Variants in BAHCC1 observed in about 807,000 individuals in gnomAD.
BAHCC1 encodes BAH domain and coiled-coil containing 1.
In BAHCC1, 43 loss-of-function variants were observed where a neutral mutation model predicts 88.2. The ratio of observed to expected loss-of-function variants is 0.49; its 90% CI spans 0.38 to 0.63. BAHCC1 has a LOEUF of 0.63. Ranked by LOEUF, BAHCC1 falls within the 20% of genes least tolerant of loss-of-function variation. BAHCC1 has a pLI of 0.00. For missense variants in BAHCC1, 3,023 were observed against 1,654.8 expected (o/e 1.83, Z -14.34); for synonymous variants, 1,510 against 745.5 (o/e 2.03, Z -16.71).
rs1555647895 is a variant in BAHCC1 at position 81,411,689 on chromosome 17, C to T, written c.178+11772C>T. The T allele has an allele frequency of 6.0e-6, 2 of 331,610 alleles. No individual in the cohort carries two copies. The highest frequency in any genetic ancestry group is 4.4e-5 in the Admixed American group (1 of 22,964). The allele number at this position is 331,610 out of a possible 1,614,324, so 20.5% of individuals were successfully genotyped here. Reference sequence around the variant, plus strand: ...GACCTGAGGCCCTCCAGGCAGCTCCCCTTCCACTCTGCCCAGCCCACCCTG... The same window carrying T: ...GACCTGAGGCCCTCCAGGCAGCTCCTCTTCCACTCTGCCCAGCCCACCCTG... On this transcript the variant is annotated intron_variant, in intron 2 of 27. Transcript: ENST00000675386. The surrounding 1 kb of genome is among the most constrained non-coding windows in gnomAD (Gnocchi z 6.2).
chr17:81,444,044 T>G (rs1417564916), intron 6 of BAHCC1, 127 bp downstream of exon 6: 1 of 639,126 alleles, frequency 1.6e-6, no homozygotes, highest in Non-Finnish European at 2.8e-6. Context: ...CGGCCGTGGG[T>G]GGGGTTCTCC....
In BAHCC1 at chr17:81,457,567, G is replaced by A. The variant is rs1555657642; in HGVS notation, c.5016G>A (p.Lys1672=). 2.7e-6 allele frequency: 2 copies of A among 747,122 alleles called. No homozygotes were observed. Among genetic ancestry groups the A allele is most frequent in the Middle Eastern group, 2.4e-4 (1 of 4,236 alleles). The allele number at this position is 747,122 out of a possible 1,614,324, so 46.3% of individuals were successfully genotyped here. ...TGGAGGCCAACCAGAAGGCCAAGAAGAAGAAGGAGAGGCAGGGGTTGCTAG... is the reference window on the plus strand; with the variant it reads ...TGGAGGCCAACCAGAAGGCCAAGAAAAAGAAGGAGAGGCAGGGGTTGCTAG... ...VKMEANQKAK[K]KKERQGLLGA... Residue 1672 remains lysine, a synonymous_variant, in exon 17 of 28, where the codon AAG becomes AAA. Coordinates refer to ENST00000675386, the MANE Select transcript of BAHCC1 (RefSeq NM_001377448.1).
chr17:81,426,886 C>T lies in BAHCC1; in HGVS notation c.265C>T (p.His89Tyr), dbSNP rs944028089. Residue 89 changes from histidine to tyrosine, a missense_variant, in exon 3 of 28, where the codon CAC (histidine) becomes TAC (tyrosine). His to Tyr is a moderately conservative substitution (Grantham distance 83). Transcript: ENST00000675386. ...CAGCCTGGGCTCGGCAGCCTCCACG[C>T]ACCCCAGCGGCCCCAGCTCCTCCCC... ...TSSLGSAASTHPSGPSSSPPE... is the reference protein window; with the variant it reads ...TSSLGSAASTYPSGPSSSPPE... 11 of 399,068 alleles carry T rather than the reference C, an allele frequency of 2.8e-5. No individual in the cohort carries two copies. The highest frequency in any genetic ancestry group is 4.4e-5 in the Admixed American group (1 of 22,724). 24.7% of individuals were successfully genotyped at this position (399,068 alleles called of 1,614,324 possible).
rs116138822 is a variant in BAHCC1, at chr17:81,441,898, C to T, written c.549C>T (p.Ser183=). 4,200 of 683,496 alleles carry T rather than the reference C, an allele frequency of 6.1e-3. 153 individuals are homozygous for T. The African/African-American group carries it at 0.068, about 11-fold the overall frequency. 42.3% of individuals were successfully genotyped at this position (683,496 alleles called of 1,614,324 possible). Residue 183 remains serine, a synonymous_variant, in exon 5 of 28, where the codon AGC becomes AGT. Transcript: ENST00000675386. ...TGCCGGCCAACCACAACTTCCCCAG[C>T]GTGGCCCGGGCCGCCCCTGCCCACC... is the stretch of plus-strand genomic sequence containing the variant. The part of the protein sequence containing the change: ...TLLPANHNFP[S]VARAAPAHPM...
intron 3 of BAHCC1, among the ~76,000 whole-genome samples, chr17:81,438,139 C>A (rs1248972554): frequency 1.3e-5 from 2 of 152,252 alleles, no homozygotes; most frequent in Non-Finnish European, 2.9e-5. Context: ...GTCCTCCCCT[C>A]TCCCCAGCCC....
intron 3 of BAHCC1, among the ~76,000 whole-genome samples, chr17:81,437,887 G>A (rs527887019): frequency 1.2e-3 from 186 of 152,290 alleles, no homozygotes; most frequent in Middle Eastern, 6.8e-3. Flanking sequence ...AGCCAGGGTC[G>A]GGGGAGGCTG....
At chr17:81,431,555 G>T (rs1207341981) in intron 3 of BAHCC1, among the ~76,000 whole-genome samples, 1 of 152,168 alleles carries the variant, frequency 6.6e-6, no homozygotes, top group Non-Finnish European at 1.5e-5. Flanking sequence ...TTGGGGAGAG[G>T]GCCACCCCTG....
chr17:81,447,598 G>A lies in BAHCC1; in HGVS notation c.3726G>A (p.Glu1242=). The A allele has an allele frequency of 1.3e-6, 1 of 750,008 alleles. No individual in the cohort carries two copies. The highest frequency in any genetic ancestry group is 2.5e-6 in the Non-Finnish European group (1 of 403,686). The allele number at this position is 750,008 out of a possible 1,614,324, so 46.5% of individuals were successfully genotyped here. Residue 1242 remains glutamate, a synonymous_variant, in exon 11 of 28, where the codon GAG becomes GAA. Coordinates refer to ENST00000675386, the MANE Select transcript of BAHCC1 (RefSeq NM_001377448.1). ...AGCAGAGCATGGAGGACTCAGAGGA[G>A]GACTGTGGCGGAGCTCCCGACAACA... ...LGQQSMEDSE[E]DCGGAPDNSH... is the part of the protein sequence containing the mutation.
chr17:81,441,003 G>A (rs2064404937), intron 4 of BAHCC1, among the ~76,000 whole-genome samples: 1 of 152,166 alleles, frequency 6.6e-6, no homozygotes, highest in African/African-American at 2.4e-5. Flanking sequence ...GGTTTCCAAG[G>A]TCTTGGTGCC....
In BAHCC1 at chr17:81,434,831, G is replaced by A. The variant is rs1027356189; in HGVS notation, c.359-3539G>A. 5.3e-5 allele frequency among the ~76,000 whole-genome samples: 8 copies of A among 152,062 alleles called. No individual in the cohort carries two copies. Among genetic ancestry groups the A allele is most frequent in the African/African-American group, 9.7e-5 (4 of 41,386 alleles). ...TGGAGAGGGCAGGGCCTCGACGTGC[G>A]GGGCTGTTGGGAAAATGTGCTGTGT... On this transcript the variant is annotated intron_variant, in intron 3 of 27. Coordinates refer to ENST00000675386, the MANE Select transcript of BAHCC1 (RefSeq NM_001377448.1). This position sits in a 1 kb window ranked among gnomAD's most constrained non-coding sequence, Gnocchi z 4.9.
Position 81,458,956 on chromosome 17 carries a change from G to T in BAHCC1, c.5592G>T (p.Gln1864His). ...EEDSGPLSAE[Q>H]SAALARSCAI... ...ACAGCGGCCCTCTGAGCGCAGAGCA[G>T]AGCGCCGCCCTAGGTGAGCAGGGCC... Residue 1864 changes from glutamine (Q) to histidine (H), a missense_variant, in exon 20 of 28, where the codon CAG becomes CAT. Transcript: ENST00000675386. 2.7e-6 allele frequency: 2 copies of T among 743,556 alleles called. No homozygotes were observed. Among genetic ancestry groups the T allele is most frequent in the South Asian group, 1.4e-5 (1 of 70,464 alleles). The allele number at this position is 743,556 out of a possible 1,614,324, so 46.1% of individuals were successfully genotyped here. A position where few individuals can be genotyped will look rare whatever the true frequency, so the allele number is the denominator to read the frequency against.
rs1286004670 is a variant in BAHCC1, at chr17:81,399,370, C to G, written c.-206-164C>G. 2.2e-5 allele frequency: 3 copies of G among 134,894 alleles called. No homozygotes were observed. Among genetic ancestry groups the G allele is most frequent in the Non-Finnish European group, 4.7e-5 (3 of 64,462 alleles). The allele number at this position is 134,894 out of a possible 1,614,324, so 8.4% of individuals were successfully genotyped here. ...GGTGCTGGGCTGCGCGCGCGTGCGGCGGGGAGACACCGAGCGCCCCGGCCC... is the reference window on the plus strand; with the variant it reads ...GGTGCTGGGCTGCGCGCGCGTGCGGGGGGGAGACACCGAGCGCCCCGGCCC... On this transcript the variant is annotated intron_variant, in intron 1 of 27. Coordinates refer to ENST00000675386, the MANE Select transcript of BAHCC1 (RefSeq NM_001377448.1). The surrounding 1 kb of genome is among the most constrained non-coding windows in gnomAD (Gnocchi z 4.5).
Position 81,443,428 on chromosome 17 carries a change from C to T in BAHCC1, c.2079C>T (p.His693=), listed in dbSNP as rs782158865. 5.4e-5 allele frequency: 41 copies of T among 759,998 alleles called. No individual in the cohort carries two copies. The highest frequency in any genetic ancestry group is 1.2e-4 in the African/African-American group (7 of 58,662). The allele number at this position is 759,998 out of a possible 1,614,324, so 47.1% of individuals were successfully genotyped here. A position where few individuals can be genotyped will look rare whatever the true frequency, so the allele number is the denominator to read the frequency against. The change falls in exon 5 of 28, where the codon CAC becomes CAT. Residue 693 remains histidine, a synonymous_variant. Transcript: ENST00000675386. ...CARSREHDTT[H]GDGEVRQPPV... ...GCAGCAGGGAGCACGACACCACGCA[C>T]GGCGACGGGGAGGTGCGGCAGCCCC...
intron 1 of BAHCC1, among the ~76,000 whole-genome samples, chr17:81,397,955 T>C (rs1223498705): frequency 6.6e-6 from 1 of 152,230 alleles, no homozygotes; most frequent in Non-Finnish European, 1.5e-5. Flanking sequence ...CGGTTATAGA[T>C]TAAATCAAAC....
intron 2 of BAHCC1, among the ~76,000 whole-genome samples, chr17:81,420,598 C>A (rs2064104820): frequency 6.6e-6 from 1 of 152,260 alleles, no homozygotes; most frequent in Non-Finnish European, 1.5e-5. Flanking sequence ...AAACCATTTC[C>A]TCAGCTAGCC....
In BAHCC1 at chr17:81,458,807, C is replaced by A. The variant is rs1389441458; in HGVS notation, c.5449-6C>A. ...CCCACCCAAGCCTGACTCCTCTGGC[C>A]CCCAGGGCAAGGGCCGGGCCGTGAG... On this transcript the variant is annotated splice_region_variant and splice_polypyrimidine_tract_variant and intron_variant, in intron 19 of 27. Coordinates refer to ENST00000675386, the MANE Select transcript of BAHCC1 (RefSeq NM_001377448.1). 1.3e-6 allele frequency: 1 copy of A among 763,036 alleles called. No homozygotes were observed. The highest frequency in any genetic ancestry group is 1.7e-5 in the African/African-American group (1 of 58,870). 47.3% of individuals were successfully genotyped at this position (763,036 alleles called of 1,614,324 possible).
At position 81,462,732 on chromosome 17, in the gene BAHCC1, C is replaced by A; in HGVS notation, c.7384-8C>A. The A allele has an allele frequency of 2.7e-6, 2 of 744,922 alleles. No homozygotes were observed. The highest frequency in any genetic ancestry group is 5.0e-6 in the Non-Finnish European group (2 of 397,912). The allele number at this position is 744,922 out of a possible 1,614,324, so 46.1% of individuals were successfully genotyped here. On this transcript the variant is annotated splice_region_variant and splice_polypyrimidine_tract_variant and intron_variant, in intron 26 of 27. Transcript: ENST00000675386. ...CTCTCAGAGCCACCCTGCCCATGTC[C>A]CCCACAGCGGCGTGGCATGAAGGGG...
In BAHCC1 at chr17:81,444,734, T is replaced by C. The variant is rs782472404; in HGVS notation, c.2579T>C (p.Val860Ala). Reference protein sequence around the residue: ...PGFPASVAGPVPSVFPLPQDA... With the variant: ...PGFPASVAGPAPSVFPLPQDA... The stretch of plus-strand genomic sequence containing the variant: ...TTCCCCGCCTCCGTGGCTGGCCCTG[T>C]GCCCTCTGTCTTCCCCCTCCCACAG... The change falls in exon 8 of 28, where the codon GTG (valine) becomes GCG (alanine). Residue 860 changes from valine to alanine, a missense_variant. Coordinates refer to ENST00000675386, the MANE Select transcript of BAHCC1 (RefSeq NM_001377448.1). 5.1e-6 allele frequency: 4 copies of C among 778,416 alleles called. No homozygotes were observed. The highest frequency in any genetic ancestry group is 4.8e-6 in the Non-Finnish European group (2 of 417,636). 48.2% of individuals were successfully genotyped at this position (778,416 alleles called of 1,614,324 possible). A position where few individuals can be genotyped will look rare whatever the true frequency, so the allele number is the denominator to read the frequency against.
At chr17:81,439,456 C>T (rs2064381657) in intron 4 of BAHCC1, among the ~76,000 whole-genome samples, 1 of 151,760 alleles carries the variant, frequency 6.6e-6, no homozygotes, top group Admixed American at 6.6e-5. Flanking sequence ...ACCTGGGGAG[C>T]AGCAGTTGGA....
Sources: gnomAD v4.1 joint callset for allele counts (sites outside exome capture counted in the v4.1 genomes callset) on GRCh38, gnomAD v4.1.1 for gene constraint, Gnocchi (gnomAD v3.1) non-coding constraint, MANE v1.5 for transcripts, NCBI Gene and HGNC (gene_info 2026-07-23, HGNC 2026-07-21) for gene names.